CFAP44: variants seen among roughly 807,000 people sequenced by gnomAD.
CFAP44 encodes cilia and flagella associated protein 44.
In CFAP44, 134 loss-of-function variants were observed where a neutral mutation model predicts 216.2. The ratio of observed to expected loss-of-function variants is 0.62; its 90% CI spans 0.54 to 0.72. The LOEUF is 0.72. Among genes scored for constraint, CFAP44 ranks in the 30% least tolerant of loss-of-function variants. CFAP44 has a pLI of 0.00. For missense variants in CFAP44, 2,035 were observed against 2,182.1 expected, an observed-to-expected ratio of 0.93 and a Z score of 1.34; for synonymous variants, 700 against 727.6, an observed-to-expected ratio of 0.96 and a Z score of 0.61.
In CFAP44 at chr3:113,363,266, A is replaced by C; in HGVS notation, c.2813T>G (p.Met938Arg). ...ARRKREHDKL[M>R]KEVGEIKARK... ...TGCCTTTATTTCTCCCACTTCTTTC[A>C]TTAACTTGTCATGTTCTCTTTTTCT... is the stretch of plus-strand genomic sequence containing the variant. The change falls in exon 21 of 35, where the codon ATG becomes AGG. Residue 938 changes from methionine to arginine, a missense_variant. By Grantham distance (91) the Met-to-Arg change is moderately conservative. This residue lies in a region of CFAP44 where 1,883 missense variants were observed against 2,023.7 expected (regional missense o/e 0.93). Coordinates refer to ENST00000393845, the MANE Select transcript of CFAP44 (RefSeq NM_001164496.2). 6.2e-7 allele frequency: 1 copy of C among 1,612,386 alleles called. No homozygotes were observed.
intron 7 of CFAP44, among the ~76,000 whole-genome samples, chr3:113,408,477 A>C (rs1934350756): frequency 6.6e-6 from 1 of 152,240 alleles, no homozygotes; most frequent in South Asian, 2.1e-4. Flanking sequence ...GCTCAGTATG[A>C]ATTTGGAAAT....
intron 32 of CFAP44, among the ~76,000 whole-genome samples, chr3:113,302,781 AAAAAAAAAAAG>A (rs1263458257): frequency 6.6e-6 from 1 of 150,868 alleles, no homozygotes; most frequent in Non-Finnish European, 1.5e-5. Context: ...TCAAAAAAAA[AAAAAAAAAAAG>A]AAAAAGAAAA....
chr3:113,312,866 T>C (rs143022464), intron 28 of CFAP44, among the ~76,000 whole-genome samples: 3,821 of 152,186 alleles, frequency 0.025, 66 homozygotes, highest in East Asian at 0.052. Flanking sequence ...TCCGCCTAGA[T>C]TTCAGAGGAT....
Position 113,324,042 on chromosome 3 carries a change from C to CAA in CFAP44, c.4516+2401_4516+2402dup, listed in dbSNP as rs200919084. On this transcript the variant is annotated intron_variant, in intron 28 of 34. Coordinates refer to ENST00000393845, the MANE Select transcript of CFAP44 (RefSeq NM_001164496.2). ...CTGGTGACAGAGCAAGACTCCGTCT[C>CAA]AAAAAAAAAAAAAAAAAGAGAGAAA... Among the ~76,000 whole-genome samples the CAA allele has an allele frequency of 5.7e-3, 407 of 71,822 alleles. 4 individuals are homozygous for CAA. The highest frequency in any genetic ancestry group is 0.029 in the Middle Eastern group (3 of 104). The allele number at this position is 71,822 out of a possible 152,430, so 47.1% of individuals were successfully genotyped here. A position where few individuals can be genotyped will look rare whatever the true frequency, so the allele number is the denominator to read the frequency against.
Position 113,326,586 on chromosome 3 carries a change from T to G in CFAP44, c.4375A>C (p.Lys1459Gln). 4 of 1,529,224 alleles carry G rather than the reference T, an allele frequency of 2.6e-6. No homozygotes were observed. The highest frequency in any genetic ancestry group is 3.5e-6 in the Non-Finnish European group (4 of 1,144,704). The allele number at this position is 1,529,224 out of a possible 1,614,324, so 94.7% of individuals were successfully genotyped here. A position where few individuals can be genotyped will look rare whatever the true frequency, so the allele number is the denominator to read the frequency against. Reference sequence around the variant, plus strand: ...AGTGCCTTTTCTTGCTCCTGGAGTTTGGTGATTTCATTCTTTTTCTCTTCC... The same window carrying G: ...AGTGCCTTTTCTTGCTCCTGGAGTTGGGTGATTTCATTCTTTTTCTCTTCC... ...EMEEKKNEIT[K>Q]LQEQEKALYA... is the part of the protein sequence containing the mutation. Residue 1459 changes from lysine to glutamine, a missense_variant, in exon 28 of 35, where the codon AAA becomes CAA. Lys to Gln is a moderately conservative substitution (Grantham distance 53). Transcript: ENST00000393845.
Position 113,395,825 on chromosome 3 carries a change from T to C in CFAP44, c.1815A>G (p.Glu605=). ...TATAACCAATCGGCTTATAATCCCT[T>C]TCCACTTCAAAGAAGAAAACAGTTT... The part of the protein sequence containing the change: ...KDQTVFFFEV[E]RDYKPIGYIN... The change falls in exon 15 of 35, where the codon GAA becomes GAG. Residue 605 remains glutamate, a synonymous_variant. Coordinates refer to ENST00000393845, the MANE Select transcript of CFAP44 (RefSeq NM_001164496.2). The C allele has an allele frequency of 1.9e-6, 3 of 1,613,842 alleles. No individual in the cohort carries two copies. Among genetic ancestry groups the C allele is most frequent in the African/African-American group, 2.7e-5 (2 of 75,022 alleles).
At chr3:113,391,692 A>G (rs1472149835) in intron 15 of CFAP44, among the ~76,000 whole-genome samples, 3 of 151,438 alleles carry the variant, frequency 2.0e-5, no homozygotes, top group Admixed American at 2.0e-4. Flanking sequence ...AAGGAGCCCA[A>G]ACAACTCTAT....
chr3:113,316,009 C>T (rs1001938993), intron 28 of CFAP44, among the ~76,000 whole-genome samples: 1 of 152,114 alleles, frequency 6.6e-6, no homozygotes, highest in African/African-American at 2.4e-5. Flanking sequence ...TTTGCAAGTG[C>T]CCAGAGAACA....
At chr3:113,375,454 G>A (rs2107329825) in intron 17 of CFAP44, among the ~76,000 whole-genome samples, 1 of 152,292 alleles carries the variant, frequency 6.6e-6, no homozygotes, top group East Asian at 1.9e-4. Context: ...AAGACAAAAA[G>A]GATGGAAAAT....
intron 28 of CFAP44, among the ~76,000 whole-genome samples, chr3:113,312,325 C>T (rs986830655): frequency 2.0e-5 from 3 of 150,948 alleles, no homozygotes; most frequent in Admixed American, 2.0e-4. Context: ...CCTCATGATC[C>T]GCCCACCTCA....
intron 21 of CFAP44, among the ~76,000 whole-genome samples, chr3:113,361,876 A>G (rs1950544819): frequency 6.6e-6 from 1 of 151,888 alleles, no homozygotes; most frequent in Admixed American, 6.6e-5. Flanking sequence ...ACCAGAAAAC[A>G]AACACCAATT....
intron 34 of CFAP44, 79 bp downstream of exon 34, chr3:113,294,608 T>C (rs1949863153): frequency 2.1e-6 from 3 of 1,442,116 alleles, no homozygotes; most frequent in Admixed American, 2.8e-5. Flanking sequence ...TAAATGCCAG[T>C]ACTTAACATT....
At chr3:113,298,904 A>C (rs1302307885) in intron 32 of CFAP44, among the ~76,000 whole-genome samples, 2 of 152,298 alleles carry the variant, frequency 1.3e-5, no homozygotes, top group East Asian at 3.9e-4. Context: ...CTGGAGATGG[A>C]TGGTGGTGAT....
chr3:113,423,977 C>A (rs1934891598), intron 4 of CFAP44, among the ~76,000 whole-genome samples: 1 of 152,176 alleles, frequency 6.6e-6, no homozygotes, highest in Non-Finnish European at 1.5e-5. Flanking sequence ...CCACCTTTGA[C>A]CACAACTCAG....
chr3:113,325,300 CA>C (rs541100248), intron 28 of CFAP44, among the ~76,000 whole-genome samples: 8,475 of 70,886 alleles, frequency 0.12, 280 homozygotes, highest in African/African-American at 0.21. Context: ...GACTCCGTCT[CA>C]AAAAAAAAAA....
At chr3:113,370,258 C>G (rs1435907650) in intron 18 of CFAP44, among the ~76,000 whole-genome samples, 3 of 152,152 alleles carry the variant, frequency 2.0e-5, no homozygotes, top group South Asian at 4.1e-4. Context: ...GAAACCAAAG[C>G]ATGGCAGAGA....
chr3:113,379,783 T>C (rs936722714), intron 16 of CFAP44, among the ~76,000 whole-genome samples: 1 of 152,192 alleles, frequency 6.6e-6, no homozygotes, highest in African/African-American at 2.4e-5. Flanking sequence ...AATTATTTGG[T>C]CATTTTTTTC....
At position 113,333,400 on chromosome 3, in the gene CFAP44, A is replaced by G. The variant is rs1950256560; in HGVS notation, c.3615+6T>C. ...CTCCATTGTCATAAAATCTGTAGATAAGTACCAAAGAATCTAGGTGTCCTA... is the reference window on the plus strand; with the variant it reads ...CTCCATTGTCATAAAATCTGTAGATGAGTACCAAAGAATCTAGGTGTCCTA... On this transcript the variant is annotated splice_donor_region_variant and intron_variant, in intron 25 of 34. Transcript: ENST00000393845. 1 of 1,535,660 alleles carries G rather than the reference A, an allele frequency of 6.5e-7. No homozygotes were observed. Among genetic ancestry groups the G allele is most frequent in the Admixed American group, 2.0e-5 (1 of 50,624 alleles).
chr3:113,357,087 A>G (rs1950498702), intron 22 of CFAP44, among the ~76,000 whole-genome samples: 1 of 152,230 alleles, frequency 6.6e-6, no homozygotes, highest in South Asian at 2.1e-4. Flanking sequence ...TAACAACAGA[A>G]AATATACAAA....
Sources: gnomAD v4.1 joint callset for allele counts (sites outside exome capture counted in the v4.1 genomes callset) on GRCh38, gnomAD v4.1.1 for gene constraint, gnomAD v4.1.1 regional missense constraint, MANE v1.5 for transcripts, NCBI Gene and HGNC (gene_info 2026-07-23, HGNC 2026-07-21) for gene names.